The following TUNAR variants were observed in gnomAD, a reference collection of about 807,000 sequenced individuals.
TUNAR encodes transmembrane neural differentiation associated intracellular calcium regulator, also known as protein TUNAR.
intron 2 of TUNAR, among the ~76,000 whole-genome samples, chr14:95,880,657 A>G (rs1342353768): frequency 1.3e-5 from 2 of 152,176 alleles, no homozygotes; most frequent in African/African-American, 4.8e-5. Context: ...TTGAAAATGG[A>G]GAGTACTTTA....
At chr14:95,886,766 C>G (rs1397947857) in intron 2 of TUNAR, among the ~76,000 whole-genome samples, 1 of 152,178 alleles carries the variant, frequency 6.6e-6, no homozygotes, top group African/African-American at 2.4e-5. Context: ...GGTCATGATC[C>G]CTGAGGCCGG....
At chr14:95,896,561 A>G (rs945476818) in intron 2 of TUNAR, among the ~76,000 whole-genome samples, 2 of 152,192 alleles carry the variant, frequency 1.3e-5, no homozygotes, top group Non-Finnish European at 1.5e-5. Flanking sequence ...GGAACTCTAG[A>G]GGCCATTCCA....
chr14:95,915,756 C>G (rs1889594711), intron 2 of TUNAR, among the ~76,000 whole-genome samples: 2 of 152,234 alleles, frequency 1.3e-5, no homozygotes, highest in African/African-American at 2.4e-5. Context: ...TTTTCCAAGA[C>G]ACGCATCCTA....
At chr14:95,900,690 T>G (rs918843563) in intron 2 of TUNAR, among the ~76,000 whole-genome samples, 3 of 152,226 alleles carry the variant, frequency 2.0e-5, no homozygotes, top group Non-Finnish European at 4.4e-5. Flanking sequence ...TAGCTGTCAT[T>G]GCTTATGACA....
intron 2 of TUNAR, among the ~76,000 whole-genome samples, chr14:95,884,228 G>A (rs1268810798): frequency 6.6e-6 from 1 of 152,094 alleles, no homozygotes; most frequent in Non-Finnish European, 1.5e-5. Flanking sequence ...TGCCCCCTGT[G>A]CCCAATAGTC....
At position 95,909,816 on chromosome 14, in the gene TUNAR, A is replaced by T. The variant is rs1889485007; in HGVS notation, c.13-12965A>T. 3.3e-5 allele frequency among the ~76,000 whole-genome samples: 5 copies of T among 152,184 alleles called. No homozygotes were observed. The South Asian group carries it at 8.3e-4, about 25-fold the overall frequency. ...AGTGGGGAAAGACCCAAATCAAGAGATGGTGACAGGATAGGGCAGGAGTTG... is the reference window on the plus strand; with the variant it reads ...AGTGGGGAAAGACCCAAATCAAGAGTTGGTGACAGGATAGGGCAGGAGTTG... On this transcript the variant is annotated intron_variant, in intron 2 of 2. Coordinates refer to ENST00000678517, the Ensembl canonical transcript of TUNAR.
intron 2 of TUNAR, among the ~76,000 whole-genome samples, chr14:95,916,650 G>A (rs1691320151): frequency 6.6e-6 from 1 of 152,152 alleles, no homozygotes; most frequent in Admixed American, 6.5e-5. Flanking sequence ...AGGTGGCATG[G>A]CTGGGTCACT....
rs571786969 is a variant in TUNAR, at chr14:95,889,727, T to C, written c.12+12550T>C. Reference sequence around the variant, plus strand: ...ACGGAGCCGTCACCCCTGTCTGGCTTCTGGCTGGTCTCTCATAGCAGAGTA... The same window carrying C: ...ACGGAGCCGTCACCCCTGTCTGGCTCCTGGCTGGTCTCTCATAGCAGAGTA... On this transcript the variant is annotated intron_variant, in intron 2 of 2. Transcript: ENST00000678517. Among the ~76,000 whole-genome samples, 4 of 152,250 alleles carry C rather than the reference T, an allele frequency of 2.6e-5. No individual in the cohort carries two copies. In the South Asian group the frequency reaches 8.3e-4, roughly 32 times the overall value.
intron 2 of TUNAR, among the ~76,000 whole-genome samples, chr14:95,893,401 T>A (rs1199908740): frequency 6.6e-6 from 1 of 152,126 alleles, no homozygotes; most frequent in Non-Finnish European, 1.5e-5. Context: ...AAAAGTTTGC[T>A]GCAAAGTGGA....
At chr14:95,924,486 CTG>C (rs1339334550) in exon 3 of TUNAR, 1 of 152,322 alleles carries the variant, frequency 6.6e-6, no homozygotes, top group Non-Finnish European at 1.5e-5. Context: ...CTGTATTAGT[CTG>C]TTTTCACACT....
chr14:95,898,154 A>G (rs186949690), intron 2 of TUNAR, among the ~76,000 whole-genome samples: 1 of 152,334 alleles, frequency 6.6e-6, no homozygotes, highest in East Asian at 1.9e-4. Context: ...TCTGTATTTT[A>G]TGCTCACACT....
intron 2 of TUNAR, among the ~76,000 whole-genome samples, chr14:95,908,967 C>T (rs1358320156): frequency 6.6e-6 from 1 of 152,170 alleles, no homozygotes; most frequent in Non-Finnish European, 1.5e-5. Context: ...CGTTGCTGGG[C>T]TGGAGGTCTG....
intron 2 of TUNAR, among the ~76,000 whole-genome samples, chr14:95,891,244 G>A (rs552719751): frequency 6.6e-6 from 1 of 152,306 alleles, no homozygotes; most frequent in African/African-American, 2.4e-5. Context: ...ACCTGCTCGG[G>A]GGTTTTCCCT....
chr14:95,899,753 A>G (rs1437168467), intron 2 of TUNAR, among the ~76,000 whole-genome samples: 2 of 152,122 alleles, frequency 1.3e-5, no homozygotes, highest in East Asian at 3.9e-4. Flanking sequence ...CACTAATTCT[A>G]TTCATGAGGG....
At chr14:95,905,125 C>G (rs1224498392) in intron 2 of TUNAR, among the ~76,000 whole-genome samples, 1 of 152,212 alleles carries the variant, frequency 6.6e-6, no homozygotes, top group East Asian at 1.9e-4. Flanking sequence ...AACATTACCT[C>G]TTTTTAAAAT....
At chr14:95,918,791 A>G (rs1889646199) in intron 2 of TUNAR, among the ~76,000 whole-genome samples, 1 of 152,176 alleles carries the variant, frequency 6.6e-6, no homozygotes. Flanking sequence ...TGCTTGAGTG[A>G]CTGTGATGAT....
At chr14:95,911,911 C>T (rs17093541) in intron 2 of TUNAR, among the ~76,000 whole-genome samples, 23,822 of 152,204 alleles carry the variant, frequency 0.16, 2,325 homozygotes, top group African/African-American at 0.26. Context: ...CTCTGCTGTA[C>T]TATAGAAAGG....
At position 95,886,655 on chromosome 14, in the gene TUNAR, A is replaced by C. The variant is rs190527741; in HGVS notation, c.12+9478A>C. On this transcript the variant is annotated intron_variant, in intron 2 of 2. Transcript: ENST00000678517. ...GGACATGGGCCTGGGAAGGGAATGC[A>C]ATTCCACCCTCCATGGGTCCCATTT... is the stretch of plus-strand genomic sequence containing the variant. 1.6e-3 allele frequency among the ~76,000 whole-genome samples: 246 copies of C among 152,328 alleles called. 2 individuals are homozygous for C. The highest frequency in any genetic ancestry group is 4.8e-3 in the African/African-American group (201 of 41,582).
At chr14:95,920,586 C>T (rs1889680904) in intron 2 of TUNAR, among the ~76,000 whole-genome samples, 1 of 152,162 alleles carries the variant, frequency 6.6e-6, no homozygotes, top group South Asian at 2.1e-4. Flanking sequence ...CATGTTGCAT[C>T]AGTTCCTCCA....
Sources: allele counts gnomAD v4.1 joint callset (sites outside exome capture counted in the v4.1 genomes callset), GRCh38; gene constraint gnomAD v4.1.1; transcripts MANE v1.5; gene names NCBI Gene and HGNC (gene_info 2026-07-23, HGNC 2026-07-21).